Variants in OPRM1 observed in about 807,000 individuals in gnomAD.
The protein encoded by OPRM1 is opioid receptor mu 1.
A neutral mutation model predicts 31.8 loss-of-function variants in OPRM1; 27 were observed. That is an observed-to-expected ratio of 0.85 (90% confidence interval 0.63 to 1.17). The LOEUF is 1.17. Among genes scored for constraint, OPRM1 ranks in the 50% most tolerant of loss-of-function variants. The pLI is 0.00. For synonymous variants in OPRM1, 196 were observed against 189.9 expected (o/e 1.03, Z -0.26); for missense variants, 536 against 511.1 (o/e 1.05, Z -0.47).
chr6:154,022,823 A>G (rs942755034), intron 1 of OPRM1, among the ~76,000 whole-genome samples: 7 of 152,108 alleles, frequency 4.6e-5, no homozygotes, highest in African/African-American at 1.4e-4. Context: ...CTCCCAATGT[A>G]TGTTCTTGAC....
At chr6:154,200,678 G>A (rs1776996122) in intron 3 of OPRM1, among the ~76,000 whole-genome samples, 1 of 152,170 alleles carries the variant, frequency 6.6e-6, no homozygotes. Context: ...CTAAGATCAT[G>A]CCACTGCACT....
At chr6:154,211,510 C>A (rs545955124) in intron 3 of OPRM1, among the ~76,000 whole-genome samples, 1 of 151,896 alleles carries the variant, frequency 6.6e-6, no homozygotes, top group South Asian at 2.1e-4. Flanking sequence ...GCATGCCATT[C>A]AACATCTCTG....
intron 3 of OPRM1, among the ~76,000 whole-genome samples, chr6:154,220,917 A>G (rs1354361033): frequency 2.0e-5 from 3 of 152,278 alleles, no homozygotes; most frequent in Admixed American, 6.5e-5. Flanking sequence ...TTTTGCATGT[A>G]GAATTCCGAA....
intron 3 of OPRM1, among the ~76,000 whole-genome samples, chr6:154,161,834 G>A (rs909918058): frequency 4.6e-5 from 7 of 152,152 alleles, no homozygotes; most frequent in African/African-American, 1.7e-4. Context: ...CCCCAGGACA[G>A]CATGTGTGAA....
intron 3 of OPRM1, among the ~76,000 whole-genome samples, chr6:154,186,987 G>A (rs1036488799): frequency 2.0e-5 from 3 of 151,956 alleles, no homozygotes; most frequent in African/African-American, 7.3e-5. Context: ...TACATGATGG[G>A]ATCCCTGCCC....
intron 3 of OPRM1, chr6:154,221,454 T>G: frequency 1.4e-6 from 1 of 723,700 alleles, no homozygotes; most frequent in Non-Finnish European, 2.3e-6. Context: ...TTACAAAAAA[T>G]AATTTAGTAA....
Position 154,089,999 on chromosome 6 carries a change from C to T in OPRM1, c.464C>T (p.Thr155Ile), listed in dbSNP as rs202022370. The T allele has an allele frequency of 1.5e-4, 237 of 1,613,966 alleles. No homozygotes were observed. Among genetic ancestry groups the T allele is most frequent in the Middle Eastern group, 8.2e-4 (5 of 6,084 alleles). Residue 155 changes from threonine to isoleucine, a missense_variant, in exon 2 of 4, where the codon ACC (threonine) becomes ATC (isoleucine). Coordinates refer to ENST00000330432, the MANE Select transcript of OPRM1 (RefSeq NM_000914.5). Reference sequence around the variant, plus strand: ...TCCATAGATTACTATAACATGTTCACCAGCATATTCACCCTCTGCACCATG... The same window carrying T: ...TCCATAGATTACTATAACATGTTCATCAGCATATTCACCCTCTGCACCATG... ...VISIDYYNMF[T>I]SIFTLCTMSV...
rs1790531860 is a variant in OPRM1 at position 154,086,225 on chromosome 6, G to A, written c.291-3601G>A. Reference sequence around the variant, plus strand: ...GGCAATTGGAATTCTTAATCCTTTAGCTTTGTATAATTTTCTTTCACATAT... The same window carrying A: ...GGCAATTGGAATTCTTAATCCTTTAACTTTGTATAATTTTCTTTCACATAT... On this transcript the variant is annotated intron_variant, in intron 1 of 3. Coordinates refer to ENST00000330432, the MANE Select transcript of OPRM1 (RefSeq NM_000914.5). Among the ~76,000 whole-genome samples, 4 of 152,080 alleles carry A rather than the reference G, an allele frequency of 2.6e-5. No homozygotes were observed. The South Asian group carries it at 8.3e-4, about 32-fold the overall frequency.
intron 3 of OPRM1, among the ~76,000 whole-genome samples, chr6:154,189,923 G>A (rs1196159116): frequency 6.7e-6 from 1 of 150,282 alleles, no homozygotes; most frequent in Non-Finnish European, 1.5e-5. Context: ...CAGCCTGGGC[G>A]ACAGAGTAAG....
At chr6:154,159,038 G>C (rs1445661222) in intron 3 of OPRM1, 1 of 152,244 alleles carries the variant, frequency 6.6e-6, no homozygotes, top group East Asian at 1.9e-4. Flanking sequence ...GACAAGAGCA[G>C]TAGACATTCT....
At chr6:154,231,738 G>A (rs367777468) in intron 3 of OPRM1, among the ~76,000 whole-genome samples, 10 of 152,188 alleles carry the variant, frequency 6.6e-5, no homozygotes, top group East Asian at 1.9e-4. Flanking sequence ...AAAGGGGGAA[G>A]AAAGAGGATA....
chr6:154,107,670 G>A lies in OPRM1; in HGVS notation c.1165-11013G>A, dbSNP rs545760955. ...CTGTTCCCTTGAAGGTGGAGACCAAGAGAAGGTACTGCCGTGTGGTTAAAA... is the reference window on the plus strand; with the variant it reads ...CTGTTCCCTTGAAGGTGGAGACCAAAAGAAGGTACTGCCGTGTGGTTAAAA... On this transcript the variant is annotated intron_variant, in intron 3 of 3. Coordinates refer to ENST00000330432, the MANE Select transcript of OPRM1 (RefSeq NM_000914.5). 1.7e-5 allele frequency: 12 copies of A among 718,586 alleles called. No individual in the cohort carries two copies. The South Asian group carries it at 1.8e-4, about 11-fold the overall frequency. The allele number at this position is 718,586 out of a possible 1,614,324, so 44.5% of individuals were successfully genotyped here. A position where few individuals can be genotyped will look rare whatever the true frequency, so the allele number is the denominator to read the frequency against.
rs10657351 is a variant in OPRM1 at position 154,100,100 on chromosome 6, G to GAA, written c.1164+8629_1164+8630insAA. 1.0e-4 allele frequency among the ~76,000 whole-genome samples: 6 copies of GAA among 59,264 alleles called. 3 individuals carry two copies. The highest frequency in any genetic ancestry group is 4.6e-4 in the Admixed American group (2 of 4,342). 38.9% of individuals were successfully genotyped at this position (59,264 alleles called of 152,430 possible). A position where few individuals can be genotyped will look rare whatever the true frequency, so the allele number is the denominator to read the frequency against. On this transcript the variant is annotated intron_variant, in intron 3 of 3. Transcript: ENST00000330432. ...ATCATATTATATATTATCATATTAT[G>GAA]ATATATATATTATATATTATCATAT...
intron 1 of OPRM1, among the ~76,000 whole-genome samples, chr6:154,030,885 T>C (rs1160980010): frequency 6.6e-6 from 1 of 152,184 alleles, no homozygotes; most frequent in Admixed American, 6.5e-5. Flanking sequence ...TTCATTGTTC[T>C]TACATGAAAG....
At chr6:154,246,442 C>T (rs1583898264) in intron 3 of OPRM1, 2 of 861,594 alleles carry the variant, frequency 2.3e-6, no homozygotes, top group Non-Finnish European at 3.5e-6. Context: ...ATATCTACTG[C>T]ACCAGAAATG....
chr6:154,136,205 C>A (rs1011931437), downstream of OPRM1, among the ~76,000 whole-genome samples: 1 of 152,128 alleles, frequency 6.6e-6, no homozygotes, highest in Non-Finnish European at 1.5e-5. Context: ...CCCAGGCAAA[C>A]CCCTACCTGT....
At chr6:154,238,359 G>A (rs544458137) in intron 3 of OPRM1, among the ~76,000 whole-genome samples, 29 of 152,156 alleles carry the variant, frequency 1.9e-4, no homozygotes, top group African/African-American at 6.5e-4. Context: ...AGGTTCAAGC[G>A]ATTCTCCTGC....
intron 3 of OPRM1, among the ~76,000 whole-genome samples, chr6:154,194,547 A>G (rs1776432921): frequency 6.6e-6 from 1 of 152,028 alleles, no homozygotes; most frequent in Non-Finnish European, 1.5e-5. Context: ...CTTCTTTCAA[A>G]CTGTCATCGC....
intron 3 of OPRM1, chr6:154,222,998 T>A: frequency 1.6e-6 from 1 of 614,896 alleles, no homozygotes; most frequent in Non-Finnish European, 2.9e-6. Flanking sequence ...TTCCAGAAAA[T>A]GAGAGGTTAA....
Sources: allele counts gnomAD v4.1 joint callset (sites outside exome capture counted in the v4.1 genomes callset), GRCh38; gene constraint gnomAD v4.1.1; transcripts MANE v1.5; gene names NCBI Gene and HGNC (gene_info 2026-07-23, HGNC 2026-07-21).